FBXW2: variants seen among roughly 807,000 people sequenced by gnomAD.
FBXW2 encodes F-box and WD repeat domain containing 2, also known as F-box/WD repeat-containing protein 2.
In FBXW2, 12 loss-of-function variants were observed where a neutral mutation model predicts 46.0. The observed-to-expected ratio is 0.26, with a 90% confidence interval of 0.17 to 0.42. The LOEUF (loss-of-function observed/expected upper bound fraction) is 0.42, where lower values mean the gene tolerates loss of function less well. Among genes scored for constraint, FBXW2 ranks in the 10% least tolerant of loss-of-function variants. FBXW2 has a pLI of 1.00. For missense variants in FBXW2, 360 were observed against 537.0 expected, an observed-to-expected ratio of 0.67 and a Z score of 3.26; for synonymous variants, 203 against 209.6, an observed-to-expected ratio of 0.97 and a Z score of 0.27.
At position 120,764,603 on chromosome 9, in the gene FBXW2, G is replaced by C; in HGVS notation, c.1321C>G (p.Pro441Ala). Residue 441 changes from proline to alanine, a missense_variant, in exon 8 of 8, where the codon CCT becomes GCT. Physicochemically the swap from Pro to Ala is conservative, Grantham distance 27 (BLOSUM62 -1). Coordinates refer to ENST00000608872, the MANE Select transcript of FBXW2 (RefSeq NM_012164.4). ...DTGLVFATSMPDHSIHLVLWK... is the reference protein window; with the variant it reads ...DTGLVFATSMADHSIHLVLWK... ...AACACCAGGTGAATACTGTGGTCAG[G>C]CATGCTGGTGGCAAAGACCAAGCCC... is the stretch of plus-strand genomic sequence containing the variant. 6.2e-7 allele frequency: 1 copy of C among 1,614,212 alleles called. No individual in the cohort carries two copies. Among genetic ancestry groups the C allele is most frequent in the East Asian group, 2.2e-5 (1 of 44,876 alleles).
intron 2 of FBXW2, 141 bp downstream of exon 2, chr9:120,793,008 T>C (rs1168154828): frequency 3.3e-6 from 5 of 1,505,472 alleles, no homozygotes; most frequent in African/African-American, 1.4e-5. Context: ...TGTTAACTCA[T>C]TTCGCAGCTA....
Position 120,757,239 on chromosome 9 carries a change from G to T in FBXW2, c.*7320C>A, listed in dbSNP as rs1488436686. On this transcript the variant is annotated 3_prime_UTR_variant, in exon 8 of 8. Transcript: ENST00000608872. Reference sequence around the variant, plus strand: ...ATACTTCCTTTATATCTATTAAATTGGCAAACATGTTTAGAAATGTTCTTT... The same window carrying T: ...ATACTTCCTTTATATCTATTAAATTTGCAAACATGTTTAGAAATGTTCTTT... 1 of 152,158 alleles carries T rather than the reference G, an allele frequency of 6.6e-6. No homozygotes were observed. The allele number at this position is 152,158 out of a possible 1,614,324, so 9.4% of individuals were successfully genotyped here.
At chr9:120,778,021 T>TA (rs1285949075) in intron 4 of FBXW2, among the ~76,000 whole-genome samples, 1 of 150,962 alleles carries the variant, frequency 6.6e-6, no homozygotes, top group Non-Finnish European at 1.5e-5. Context: ...TGGAATCTGA[T>TA]AAAAGCCAAG....
intron 5 of FBXW2, among the ~76,000 whole-genome samples, chr9:120,775,738 G>A (rs1423150093): frequency 6.6e-6 from 1 of 151,986 alleles, no homozygotes; most frequent in Non-Finnish European, 1.5e-5. Context: ...ATTCTAAAGG[G>A]AAAAACACGC....
rs1451449493 is a variant in FBXW2, at chr9:120,771,337, G to A, written c.1076+11C>T. 2.5e-5 allele frequency: 40 copies of A among 1,604,004 alleles called. No individual in the cohort carries two copies. Among genetic ancestry groups the A allele is most frequent in the Non-Finnish European group, 3.4e-5 (40 of 1,175,088 alleles). On this transcript the variant is annotated intron_variant, in intron 7 of 7. Coordinates refer to ENST00000608872, the MANE Select transcript of FBXW2 (RefSeq NM_012164.4). ...TTCAAAGGTAAAGCGTGAGGTCGAA[G>A]GAAACATTACCTGAGAATATCATAA...
chr9:120,788,749 C>G (rs1331057971), intron 2 of FBXW2, among the ~76,000 whole-genome samples: 1 of 152,186 alleles, frequency 6.6e-6, no homozygotes, highest in Non-Finnish European at 1.5e-5. Context: ...AAACAGTCTC[C>G]TGAGCAGTAA....
chr9:120,781,868 C>A (rs1039222529), intron 3 of FBXW2, among the ~76,000 whole-genome samples: 1 of 151,492 alleles, frequency 6.6e-6, no homozygotes, highest in Non-Finnish European at 1.5e-5. Flanking sequence ...AATAAAAATA[C>A]AAAAATTAGC....
chr9:120,784,722 C>T (rs186072014), intron 3 of FBXW2, among the ~76,000 whole-genome samples: 59 of 151,982 alleles, frequency 3.9e-4, no homozygotes, highest in Middle Eastern at 3.4e-3. Context: ...GAGTTTGAGA[C>T]CAGCCTGACC....
Position 120,762,673 on chromosome 9 carries a change from G to C in FBXW2, c.*1886C>G, listed in dbSNP as rs563046055. 6.6e-6 allele frequency: 1 copy of C among 152,334 alleles called. No individual in the cohort carries two copies. The highest frequency in any genetic ancestry group is 2.4e-5 in the African/African-American group (1 of 41,560). 9.4% of individuals were successfully genotyped at this position (152,334 alleles called of 1,614,324 possible). A position where few individuals can be genotyped will look rare whatever the true frequency, so the allele number is the denominator to read the frequency against. On this transcript the variant is annotated 3_prime_UTR_variant, in exon 8 of 8. Transcript: ENST00000608872. ...GCTAATGCAGATTCTGCAAGAGATA[G>C]GTCCCCACTCTAGAGTTCACATCAT...
intron 7 of FBXW2, among the ~76,000 whole-genome samples, chr9:120,768,651 T>C (rs1399171427): frequency 2.0e-5 from 3 of 151,988 alleles, no homozygotes; most frequent in Non-Finnish European, 4.4e-5. Context: ...TGAAACCCCA[T>C]CGCTACTAAA....
At chr9:120,775,179 C>A (rs1588035212) in intron 5 of FBXW2, among the ~76,000 whole-genome samples, 1 of 152,240 alleles carries the variant, frequency 6.6e-6, no homozygotes, top group Non-Finnish European at 1.5e-5. Context: ...CCTGTCTCAG[C>A]CTCCTGAGTA....
chr9:120,772,953 C>T (rs1588032426), intron 5 of FBXW2, 113 bp from the exon 6 acceptor site: 6 of 707,314 alleles, frequency 8.5e-6, no homozygotes, highest in South Asian at 6.9e-5. Context: ...AATAGCTAAG[C>T]CATAACTCCA....
At chr9:120,782,407 G>A (rs532222622) in intron 3 of FBXW2, among the ~76,000 whole-genome samples, 4 of 152,132 alleles carry the variant, frequency 2.6e-5, no homozygotes, top group Middle Eastern at 6.8e-3. Context: ...TGAGGTTGCA[G>A]TGAGCCAAAA....
intron 7 of FBXW2, among the ~76,000 whole-genome samples, chr9:120,769,401 A>G (rs2044330781): frequency 6.6e-6 from 1 of 152,208 alleles, no homozygotes; most frequent in African/African-American, 2.4e-5. Flanking sequence ...TTCAAACACT[A>G]AAAACTAGCA....
intron 3 of FBXW2, among the ~76,000 whole-genome samples, chr9:120,782,836 G>A (rs1340092654): frequency 6.6e-6 from 1 of 152,082 alleles, no homozygotes; most frequent in African/African-American, 2.4e-5. Context: ...GGGCTACAGA[G>A]TGAGACCTTA....
chr9:120,764,941 T>A, intron 7 of FBXW2, 94 bp from the exon 8 acceptor site: 1 of 1,017,712 alleles, frequency 9.8e-7, no homozygotes, highest in Non-Finnish European at 1.4e-6. Flanking sequence ...AAACCAATAT[T>A]AAATTCAAGC....
intron 3 of FBXW2, among the ~76,000 whole-genome samples, chr9:120,781,590 G>C (rs900926510): frequency 6.7e-6 from 1 of 149,378 alleles, no homozygotes; most frequent in Non-Finnish European, 1.5e-5. Flanking sequence ...CCAGGGGAGA[G>C]GACAAACAAA....
chr9:120,780,028 C>G (rs1368210140), intron 3 of FBXW2, among the ~76,000 whole-genome samples: 2 of 151,518 alleles, frequency 1.3e-5, no homozygotes, highest in African/African-American at 4.9e-5. Flanking sequence ...TTCCCAGCTA[C>G]TCGGAAGGCT....
intron 3 of FBXW2, among the ~76,000 whole-genome samples, chr9:120,779,868 T>C (rs780097066): frequency 6.6e-6 from 1 of 152,076 alleles, no homozygotes; most frequent in Non-Finnish European, 1.5e-5. Context: ...AAAGAAATGT[T>C]GGGCCGGGCG....
Sources: gnomAD v4.1 joint callset for allele counts (sites outside exome capture counted in the v4.1 genomes callset) on GRCh38, gnomAD v4.1.1 for gene constraint, MANE v1.5 for transcripts, NCBI Gene and HGNC (gene_info 2026-07-23, HGNC 2026-07-21) for gene names.